Variants in DUSP19 observed in about 807,000 individuals in gnomAD.
DUSP19 encodes the protein dual specificity phosphatase 19, also known as dual specificity protein phosphatase 19.
Under a neutral mutation model 16.6 loss-of-function variants are expected in DUSP19, and 14 were observed. The ratio of observed to expected loss-of-function variants is 0.84; its 90% CI spans 0.56 to 1.32. The LOEUF is 1.32. Ranked by LOEUF, DUSP19 falls within the 40% of genes most tolerant of loss-of-function variation. DUSP19 has a pLI of 0.00. For missense variants in DUSP19, 258 were observed against 255.9 expected (o/e 1.01, Z -0.06); for synonymous variants, 81 against 90.5 (o/e 0.90, Z 0.59).
chr2:183,084,231 T>C lies in DUSP19; in HGVS notation c.273+677T>C, dbSNP rs569100530. Among the ~76,000 whole-genome samples the C allele has an allele frequency of 4.6e-5, 7 of 151,920 alleles. No individual in the cohort carries two copies. In the East Asian group the frequency reaches 1.4e-3, roughly 29 times the overall value. On this transcript the variant is annotated intron_variant, in intron 2 of 3. Coordinates refer to ENST00000354221, the MANE Select transcript of DUSP19 (RefSeq NM_080876.4). ...GTTTGTTTTTGGGGGGATAAGTGAG[T>C]CAGGGGAGACTTCCTGGAGGAAGTG...
intron 2 of DUSP19, among the ~76,000 whole-genome samples, chr2:183,085,851 T>G (rs904699519): frequency 5.1e-5 from 2 of 39,196 alleles, no homozygotes; most frequent in African/African-American, 3.0e-4. Context: ...TGTTAGGTTT[T>G]TTTTTTTTTT....
intron 1 of DUSP19, among the ~76,000 whole-genome samples, chr2:183,080,616 C>T (rs918838469): frequency 6.6e-6 from 1 of 152,144 alleles, no homozygotes; most frequent in African/African-American, 2.4e-5. Flanking sequence ...GTAGAATTTT[C>T]ATATATCATT....
At position 183,087,201 on chromosome 2, in the gene DUSP19, T is replaced by C; in HGVS notation, c.426+9T>C. ...AAGAAGCAAAAAGAAAAGTGAGTTT[T>C]GTTTTGATCCATAGTTCTGCAGAAG... On this transcript the variant is annotated intron_variant, in intron 3 of 3. Transcript: ENST00000354221. The C allele has an allele frequency of 6.2e-7, 1 of 1,611,398 alleles. No individual in the cohort carries two copies. Among genetic ancestry groups the C allele is most frequent in the Non-Finnish European group, 8.5e-7 (1 of 1,179,270 alleles).
chr2:183,090,112 A>T (rs939484498), intron 3 of DUSP19, among the ~76,000 whole-genome samples: 1 of 152,120 alleles, frequency 6.6e-6, no homozygotes, highest in Non-Finnish European at 1.5e-5. Context: ...AAAATTCTTG[A>T]ATTTTTTTCA....
chr2:183,079,850 C>T (rs1699570403), intron 1 of DUSP19, among the ~76,000 whole-genome samples: 1 of 152,162 alleles, frequency 6.6e-6, no homozygotes, highest in Non-Finnish European at 1.5e-5. Flanking sequence ...TCAAGTACGT[C>T]TGAATTATTT....
At chr2:183,081,265 G>A (rs1028711423) in intron 1 of DUSP19, among the ~76,000 whole-genome samples, 2 of 151,782 alleles carry the variant, frequency 1.3e-5, no homozygotes, top group African/African-American at 4.8e-5. Flanking sequence ...TATTTATTTT[G>A]AGATAGGGTC....
Position 183,078,776 on chromosome 2 carries a change from G to T in DUSP19, c.-158G>T. 1 of 642,934 alleles carries T rather than the reference G, an allele frequency of 1.6e-6. No homozygotes were observed. Among genetic ancestry groups the T allele is most frequent in the Non-Finnish European group, 2.7e-6 (1 of 374,386 alleles). The allele number at this position is 642,934 out of a possible 1,614,324, so 39.8% of individuals were successfully genotyped here. On this transcript the variant is annotated 5_prime_UTR_variant, in exon 1 of 4. Coordinates refer to ENST00000354221, the MANE Select transcript of DUSP19 (RefSeq NM_080876.4). Reference sequence around the variant, plus strand: ...TGCATCGCTGGGATAAACGGAGCTGGACGACTCAGTCTCTTGGTCTGTGGC... The same window carrying T: ...TGCATCGCTGGGATAAACGGAGCTGTACGACTCAGTCTCTTGGTCTGTGGC...
chr2:183,086,410 A>T (rs967852416), intron 2 of DUSP19, among the ~76,000 whole-genome samples: 6 of 152,190 alleles, frequency 3.9e-5, no homozygotes, highest in Non-Finnish European at 4.4e-5. Context: ...CGCTTATAAC[A>T]CTAAGTTAAA....
In DUSP19 at chr2:183,095,737, A is replaced by G; in HGVS notation, c.*79A>G. On this transcript the variant is annotated 3_prime_UTR_variant, in exon 4 of 4. Coordinates refer to ENST00000354221, the MANE Select transcript of DUSP19 (RefSeq NM_080876.4). ...CCATCTTTTCCCTTTTTTGGAGAGTAGACTAGCAAAACTCCCTTTTTTCTC... is the reference window on the plus strand; with the variant it reads ...CCATCTTTTCCCTTTTTTGGAGAGTGGACTAGCAAAACTCCCTTTTTTCTC... 8.6e-7 allele frequency: 1 copy of G among 1,165,762 alleles called. No homozygotes were observed. Among genetic ancestry groups the G allele is most frequent in the East Asian group, 2.5e-5 (1 of 39,656 alleles). The allele number at this position is 1,165,762 out of a possible 1,614,324, so 72.2% of individuals were successfully genotyped here. A position where few individuals can be genotyped will look rare whatever the true frequency, so the allele number is the denominator to read the frequency against.
chr2:183,088,448 C>G (rs1242743386), intron 3 of DUSP19, among the ~76,000 whole-genome samples: 1 of 141,196 alleles, frequency 7.1e-6, no homozygotes, highest in East Asian at 2.0e-4. Flanking sequence ...ACTCTGTCGC[C>G]AGGCTGGAGT....
chr2:183,091,399 T>A (rs887289697), intron 3 of DUSP19, among the ~76,000 whole-genome samples: 5 of 152,064 alleles, frequency 3.3e-5, no homozygotes, highest in Admixed American at 2.6e-4. Context: ...GAAAGCACAC[T>A]CCACAGTGTC....
chr2:183,084,168 T>C (rs1167845328), intron 2 of DUSP19, among the ~76,000 whole-genome samples: 1 of 152,126 alleles, frequency 6.6e-6, no homozygotes, highest in Non-Finnish European at 1.5e-5. Flanking sequence ...GCTGTAGAAG[T>C]GCATAGGAGA....
chr2:183,093,507 G>C (rs1031085008), intron 3 of DUSP19, among the ~76,000 whole-genome samples: 3 of 152,118 alleles, frequency 2.0e-5, no homozygotes, highest in Admixed American at 2.0e-4. Context: ...AAAAAAAGTG[G>C]TTTATAAATT....
rs1269383667 is a variant in DUSP19 at position 183,098,922 on chromosome 2, T to C, written c.*3264T>C. 3 of 152,216 alleles carry C rather than the reference T, an allele frequency of 2.0e-5. No homozygotes were observed. The highest frequency in any genetic ancestry group is 2.9e-5 in the Non-Finnish European group (2 of 68,016). 9.4% of individuals were successfully genotyped at this position (152,216 alleles called of 1,614,324 possible). A position where few individuals can be genotyped will look rare whatever the true frequency, so the allele number is the denominator to read the frequency against. The stretch of plus-strand genomic sequence containing the variant: ...TTTGGAGGCAAAATTTAGACCAGTA[T>C]ACTAATTCAAAAGACAAATATTTCA... On this transcript the variant is annotated 3_prime_UTR_variant, in exon 4 of 4. Transcript: ENST00000354221.
chr2:183,089,599 C>T (rs1015457759), intron 3 of DUSP19, among the ~76,000 whole-genome samples: 2 of 152,116 alleles, frequency 1.3e-5, no homozygotes, highest in African/African-American at 2.4e-5. Context: ...CCTTCTTTGA[C>T]AGGCAAAAGT....
At chr2:183,086,651 G>GAA (rs71008262) in intron 2 of DUSP19, among the ~76,000 whole-genome samples, 23,057 of 95,260 alleles carry the variant, frequency 0.24, 3,032 homozygotes, top group Non-Finnish European at 0.34. Context: ...CCTCTTCTCT[G>GAA]AAAAAAAAAA....
chr2:183,096,237 C>CT lies in DUSP19; in HGVS notation c.*588dup, dbSNP rs201951308. ...TATACACTTTTCATTTTGTCTTCTT[C>CT]TTTTTTTTTCTTTTTTTAGATGGAG... On this transcript the variant is annotated 3_prime_UTR_variant, in exon 4 of 4. Transcript: ENST00000354221. 17,681 of 144,118 alleles carry CT rather than the reference C, an allele frequency of 0.12. 1,979 individuals are homozygous for CT. Among genetic ancestry groups the CT allele is most frequent in the African/African-American group, 0.29 (11,459 of 39,472 alleles). 8.9% of individuals were successfully genotyped at this position (144,118 alleles called of 1,614,324 possible).
chr2:183,090,414 A>T (rs1314075629), intron 3 of DUSP19, among the ~76,000 whole-genome samples: 2 of 152,230 alleles, frequency 1.3e-5, no homozygotes, highest in African/African-American at 2.4e-5. Flanking sequence ...TAGCCCAAAG[A>T]GTCCTTTTAG....
chr2:183,092,415 C>T (rs977049240), intron 3 of DUSP19, among the ~76,000 whole-genome samples: 1 of 152,092 alleles, frequency 6.6e-6, no homozygotes, highest in African/African-American at 2.4e-5. Context: ...CGACAGGCCC[C>T]CAGTTTGTGT....
Sources: allele counts gnomAD v4.1 joint callset (sites outside exome capture counted in the v4.1 genomes callset), GRCh38; gene constraint gnomAD v4.1.1; transcripts MANE v1.5; gene names NCBI Gene and HGNC (gene_info 2026-07-23, HGNC 2026-07-21).